The following WWOX variants were observed in gnomAD, a reference collection of about 807,000 sequenced individuals.
WWOX encodes the protein WW domain containing oxidoreductase.
WWOX carries 69 observed loss-of-function variants against 46.2 expected under a neutral mutation model. The observed-to-expected ratio is 1.49, with a 90% confidence interval of 1.23 to 1.82. WWOX has a LOEUF of 1.82. Ranked by LOEUF, WWOX falls within the 40% of genes most tolerant of loss-of-function variation. WWOX has a pLI of 0.00. For synonymous variants in WWOX, 359 were observed against 202.6 expected, an observed-to-expected ratio of 1.77 and a Z score of -6.56; for missense variants, 919 against 542.6, an observed-to-expected ratio of 1.69 and a Z score of -6.89.
intron 5 of WWOX, among the ~76,000 whole-genome samples, chr16:78,336,392 G>C (rs1026206032): frequency 6.7e-6 from 1 of 148,986 alleles, no homozygotes; most frequent in Non-Finnish European, 1.5e-5. Flanking sequence ...TATAGTCCCA[G>C]CTATTTGGGA....
intron 8 of WWOX, among the ~76,000 whole-genome samples, chr16:78,927,185 G>C (rs1400513745): frequency 6.6e-6 from 1 of 152,194 alleles, no homozygotes; most frequent in Non-Finnish European, 1.5e-5. Context: ...GTTTTGAGGA[G>C]AGAATGAGGT....
intron 8 of WWOX, among the ~76,000 whole-genome samples, chr16:78,997,285 G>C (rs551975739): frequency 6.6e-6 from 1 of 152,072 alleles, no homozygotes; most frequent in Non-Finnish European, 1.5e-5. Context: ...ATAATATAAG[G>C]TCCTTTCCTT....
chr16:78,316,221 G>A (rs1339035041), intron 5 of WWOX, among the ~76,000 whole-genome samples: 1 of 152,000 alleles, frequency 6.6e-6, no homozygotes, highest in Non-Finnish European at 1.5e-5. Context: ...ACTCCAGTCT[G>A]GGCAACAGAG....
chr16:78,577,622 T>A (rs1262118606), intron 8 of WWOX, among the ~76,000 whole-genome samples: 3 of 152,212 alleles, frequency 2.0e-5, no homozygotes, highest in Non-Finnish European at 4.4e-5. Context: ...GGTTCCTAAA[T>A]TATTTAAATG....
intron 8 of WWOX, among the ~76,000 whole-genome samples, chr16:79,124,056 T>G (rs2049697616): frequency 1.3e-5 from 2 of 152,154 alleles, no homozygotes; most frequent in Admixed American, 1.3e-4. Flanking sequence ...CTTTGCCTCT[T>G]AAGTGTGGAC....
intron 8 of WWOX, among the ~76,000 whole-genome samples, chr16:78,948,610 T>C (rs1285249062): frequency 6.6e-6 from 1 of 152,004 alleles, no homozygotes; most frequent in Non-Finnish European, 1.5e-5. Flanking sequence ...TGGTCCTGCT[T>C]GTCTGAAGAG....
At chr16:78,452,701 C>T (rs1169755877) in intron 8 of WWOX, among the ~76,000 whole-genome samples, 3 of 150,684 alleles carry the variant, frequency 2.0e-5, no homozygotes, top group Non-Finnish European at 4.4e-5. Flanking sequence ...GTATCGAATT[C>T]CTGACCTCCA....
intron 8 of WWOX, among the ~76,000 whole-genome samples, chr16:78,554,680 G>C (rs531421391): frequency 1.6e-4 from 24 of 152,240 alleles, no homozygotes; most frequent in Admixed American, 1.4e-3. Context: ...AAATGCTGCA[G>C]TTGAATAGGA....
intron 5 of WWOX, among the ~76,000 whole-genome samples, chr16:78,221,607 C>T (rs111411353): frequency 1.8e-4 from 27 of 152,250 alleles, no homozygotes; most frequent in African/African-American, 5.8e-4. Context: ...AATATTGAAG[C>T]AGGACCCGAG....
rs546338363 is a variant in WWOX, at chr16:78,114,151, G to C, written c.231-825G>C. Among the ~76,000 whole-genome samples the C allele has an allele frequency of 1.4e-4, 20 of 147,304 alleles. 1 individual carries two copies. Among genetic ancestry groups the C allele is most frequent in the African/African-American group, 4.8e-4 (19 of 39,684 alleles). On this transcript the variant is annotated intron_variant, in intron 3 of 8. Coordinates refer to ENST00000566780, the MANE Select transcript of WWOX (RefSeq NM_016373.4). ...CTTGGTCTGTCACCCAGGCTAGAGT[G>C]CAGTGGCACAATCATGGCTCACTGC...
At chr16:78,754,941 G>A (rs1206574470) in intron 8 of WWOX, among the ~76,000 whole-genome samples, 1 of 151,232 alleles carries the variant, frequency 6.6e-6, no homozygotes, top group Non-Finnish European at 1.5e-5. Context: ...AGAGAATGCT[G>A]TCCACAAAGA....
At chr16:79,014,695 A>G (rs140774545) in intron 8 of WWOX, among the ~76,000 whole-genome samples, 1 of 152,198 alleles carries the variant, frequency 6.6e-6, no homozygotes, top group Non-Finnish European at 1.5e-5. Context: ...GATTTCAGAG[A>G]TGAAAGAACC....
At chr16:78,477,200 G>A (rs2084371814) in intron 8 of WWOX, among the ~76,000 whole-genome samples, 1 of 152,204 alleles carries the variant, frequency 6.6e-6, no homozygotes, top group East Asian at 1.9e-4. Context: ...GCAGTTGATG[G>A]ACTATTTTTC....
intron 5 of WWOX, among the ~76,000 whole-genome samples, chr16:78,300,916 C>T (rs1223732524): frequency 6.6e-6 from 1 of 152,050 alleles, no homozygotes; most frequent in Non-Finnish European, 1.5e-5. Context: ...GTCAGTTCAT[C>T]TATCTGTCCA....
At chr16:79,198,171 AAAC>A (rs1308745767) in intron 8 of WWOX, among the ~76,000 whole-genome samples, 3 of 149,702 alleles carry the variant, frequency 2.0e-5, no homozygotes, top group African/African-American at 7.5e-5. Context: ...CTAAAAAAAA[AAAC>A]AAAAACCACA....
At chr16:79,148,195 A>G (rs1159542731) in intron 8 of WWOX, among the ~76,000 whole-genome samples, 2 of 152,152 alleles carry the variant, frequency 1.3e-5, no homozygotes, top group African/African-American at 4.8e-5. Flanking sequence ...CCTAAAAGTC[A>G]TATATTTTTG....
At chr16:78,521,895 C>G (rs1236929167) in intron 8 of WWOX, among the ~76,000 whole-genome samples, 2 of 151,888 alleles carry the variant, frequency 1.3e-5, no homozygotes, top group Admixed American at 6.6e-5. Context: ...GGATATTCGT[C>G]TGGATTTTTA....
At chr16:78,583,947 C>T (rs963441704) in intron 8 of WWOX, among the ~76,000 whole-genome samples, 1 of 152,176 alleles carries the variant, frequency 6.6e-6, no homozygotes, top group Non-Finnish European at 1.5e-5. Context: ...CTGAAGGTCC[C>T]CAGCCTCCTT....
intron 5 of WWOX, among the ~76,000 whole-genome samples, chr16:78,381,493 C>T (rs759846063): frequency 7.2e-5 from 11 of 152,194 alleles, no homozygotes; most frequent in African/African-American, 2.2e-4. Context: ...TTCTGAGCTA[C>T]ATAGAAGTTG....
Sources: allele counts gnomAD v4.1 joint callset (sites outside exome capture counted in the v4.1 genomes callset), GRCh38; gene constraint gnomAD v4.1.1; transcripts MANE v1.5; gene names NCBI Gene and HGNC (gene_info 2026-07-23, HGNC 2026-07-21).